ANKRD13D: variants seen among roughly 807,000 people sequenced by gnomAD.
ANKRD13D encodes the protein ankyrin repeat domain-containing protein 13D.
In ANKRD13D, 24 loss-of-function variants were observed where a neutral mutation model predicts 68.8. That is an observed-to-expected ratio of 0.35 (90% CI 0.25 to 0.49). The LOEUF is 0.49. Ranked by LOEUF, ANKRD13D falls within the 20% of genes least tolerant of loss-of-function variation. The pLI is 0.99. For missense variants in ANKRD13D, 735 were observed against 832.1 expected (o/e 0.88, Z 1.44); for synonymous variants, 331 against 336.1 (o/e 0.98, Z 0.16).
chr11:67,289,704 G>A (rs779419461), intron 1 of ANKRD13D, 154 bp downstream of exon 1: 1 of 1,330,436 alleles, frequency 7.5e-7, no homozygotes, highest in South Asian at 1.6e-5. Context: ...CCAGGTCACC[G>A]GCCCCTCGCG....
intron 6 of ANKRD13D, among the ~76,000 whole-genome samples, chr11:67,297,237 T>A (rs1224600295): frequency 6.6e-6 from 1 of 152,196 alleles, no homozygotes; most frequent in East Asian, 1.9e-4. Flanking sequence ...TGACATGGGG[T>A]CTCACTCCAT....
In ANKRD13D at chr11:67,301,361, G is replaced by C. The variant is rs1212305042; in HGVS notation, c.1311G>C (p.Val437=). 6.2e-7 allele frequency: 1 copy of C among 1,613,494 alleles called. No homozygotes were observed. Among genetic ancestry groups the C allele is most frequent in the South Asian group, 1.1e-5 (1 of 91,058 alleles). ...LCGCDEPLSS[V]WVPAPSSAVA... ...GCTGTGATGAGCCCCTGAGCTCCGT[G>C]TGGGTGCCGGCCCCCAGCTCTGCTG... is the stretch of plus-strand genomic sequence containing the variant. Residue 437 remains valine, a synonymous_variant, in exon 12 of 15, where the codon GTG becomes GTC. Coordinates refer to ENST00000511455, the MANE Select transcript of ANKRD13D (RefSeq NM_207354.3). This position sits in a 1 kb window ranked among gnomAD's most constrained non-coding sequence, Gnocchi z 4.5.
chr11:67,291,451 G>T, intron 3 of ANKRD13D, 25 bp from the exon 4 acceptor site: 1 of 1,612,742 alleles, frequency 6.2e-7, no homozygotes, highest in South Asian at 1.1e-5. Flanking sequence ...GCAGGGCGCT[G>T]ACAAGCAGCT....
chr11:67,292,001 C>T lies in ANKRD13D; in HGVS notation c.552C>T (p.Ala184=). Residue 184 remains alanine (A), a synonymous_variant, in exon 6 of 15, where the codon GCC becomes GCT. Transcript: ENST00000511455. ...SFIFKGQEAG[A]LVMEVDHDRQ... The stretch of plus-strand genomic sequence containing the variant: ...CCTACCGGCCGGCAGAGGCAGGAGC[C>T]CTGGTGATGGAAGTGGACCATGACC... 2 of 1,582,872 alleles carry T rather than the reference C, an allele frequency of 1.3e-6. No homozygotes were observed. Among genetic ancestry groups the T allele is most frequent in the Non-Finnish European group, 1.7e-6 (2 of 1,159,060 alleles).
At position 67,289,374 on chromosome 11, in the gene ANKRD13D, A is replaced by C. The variant is rs1860431914; in HGVS notation, c.-87A>C. The C allele has an allele frequency of 2.9e-5, 29 of 1,004,742 alleles. No homozygotes were observed. Among genetic ancestry groups the C allele is most frequent in the Non-Finnish European group, 3.6e-5 (29 of 799,284 alleles). 62.2% of individuals were successfully genotyped at this position (1,004,742 alleles called of 1,614,324 possible). Reference sequence around the variant, plus strand: ...CTGCTGCGGGGGCCGCGGGGGGCGCAGCTGGGGCGCGGCTCGGAGGGGAGG... The same window carrying C: ...CTGCTGCGGGGGCCGCGGGGGGCGCCGCTGGGGCGCGGCTCGGAGGGGAGG... On this transcript the variant is annotated 5_prime_UTR_variant, in exon 1 of 15. Transcript: ENST00000511455.
intron 1 of ANKRD13D, 143 bp from the exon 2 acceptor site, chr11:67,289,935 G>T: frequency 3.5e-6 from 5 of 1,443,488 alleles, no homozygotes; most frequent in Non-Finnish European, 4.5e-6. Flanking sequence ...CCCCTGCCAG[G>T]ACACGCAGGC....
Position 67,290,233 on chromosome 11 carries a change from G to A in ANKRD13D, c.226+20G>A. ...GGGCAGGTACTGCAGAGGACAAGGG[G>A]CTCCCCCTGAGGCTGGCAGGCGGGG... On this transcript the variant is annotated intron_variant, in intron 2 of 14. Coordinates refer to ENST00000511455, the MANE Select transcript of ANKRD13D (RefSeq NM_207354.3). 6.5e-7 allele frequency: 1 copy of A among 1,542,634 alleles called. No homozygotes were observed. Among genetic ancestry groups the A allele is most frequent in the South Asian group, 1.2e-5 (1 of 84,054 alleles).
chr11:67,295,404 A>G (rs1269693420), intron 6 of ANKRD13D, among the ~76,000 whole-genome samples: 7 of 151,294 alleles, frequency 4.6e-5, no homozygotes, highest in African/African-American at 1.7e-4. Context: ...GCGACAGACC[A>G]AGACTCCATC....
rs1437387261 is a variant in ANKRD13D at position 67,289,353 on chromosome 11, TGCGGGGGCC to T, written c.-100_-92del. On this transcript the variant is annotated 5_prime_UTR_variant, in exon 1 of 15. Transcript: ENST00000511455. ...CCGCCGCCGCCGCCGCCGCTACTGCTGCGGGGGCCGCGGGGGGCGCAGCTGGGGCGCGGC... is the reference window on the plus strand; with the variant it reads ...CCGCCGCCGCCGCCGCCGCTACTGCTGCGGGGGGCGCAGCTGGGGCGCGGC... 16 of 763,158 alleles carry T rather than the reference TGCGGGGGCC, an allele frequency of 2.1e-5. No individual in the cohort carries two copies. The highest frequency in any genetic ancestry group is 6.5e-5 in the East Asian group (1 of 15,330). 47.3% of individuals were successfully genotyped at this position (763,158 alleles called of 1,614,324 possible).
At position 67,302,468 on chromosome 11, in the gene ANKRD13D, AAG is replaced by A; in HGVS notation, c.*140_*141del. On this transcript the variant is annotated 3_prime_UTR_variant, in exon 15 of 15. Transcript: ENST00000511455. ...GGCAGGGGAGACTGAGATGGAAATA[AAG>A]AGACTGTCGCAGCAGGGCTGCTCTG... 7.6e-7 allele frequency: 1 copy of A among 1,310,598 alleles called. No homozygotes were observed. Among genetic ancestry groups the A allele is most frequent in the Non-Finnish European group, 1.0e-6 (1 of 989,100 alleles). 81.2% of individuals were successfully genotyped at this position (1,310,598 alleles called of 1,614,324 possible). A position where few individuals can be genotyped will look rare whatever the true frequency, so the allele number is the denominator to read the frequency against.
At position 67,299,929 on chromosome 11, in the gene ANKRD13D, G is replaced by A. The variant is rs1860912336; in HGVS notation, c.942+41G>A. The A allele has an allele frequency of 8.3e-6, 13 of 1,565,882 alleles. No homozygotes were observed. Among genetic ancestry groups the A allele is most frequent in the South Asian group, 2.4e-5 (2 of 83,704 alleles). On this transcript the variant is annotated intron_variant, in intron 9 of 14. Transcript: ENST00000511455. The surrounding 1 kb of genome is among the most constrained non-coding windows in gnomAD (Gnocchi z 6.2). Reference sequence around the variant, plus strand: ...GCCGAGACAGGGCTGGCGGGGGGCCGAGCCTGGGCGGGAGGGCACCCTCTG... The same window carrying A: ...GCCGAGACAGGGCTGGCGGGGGGCCAAGCCTGGGCGGGAGGGCACCCTCTG...
intron 1 of ANKRD13D, 162 bp downstream of exon 1, chr11:67,289,712 G>T: frequency 7.4e-7 from 1 of 1,343,254 alleles, no homozygotes; most frequent in Non-Finnish European, 9.7e-7. Flanking sequence ...CCGGCCCCTC[G>T]CGCCTGAGCC....
At chr11:67,289,591 C>T in intron 1 of ANKRD13D, 41 bp downstream of exon 1, 1 of 1,505,900 alleles carries the variant, frequency 6.6e-7, no homozygotes, top group Non-Finnish European at 8.8e-7. Context: ...CCCCGGGTCC[C>T]CCACCCAAGG....
Position 67,301,467 on chromosome 11 carries a change from G to A in ANKRD13D, c.1349-21G>A. 1.2e-6 allele frequency: 2 copies of A among 1,610,354 alleles called. No homozygotes were observed. Among genetic ancestry groups the A allele is most frequent in the Non-Finnish European group, 1.7e-6 (2 of 1,178,094 alleles). On this transcript the variant is annotated intron_variant, in intron 12 of 14. Transcript: ENST00000511455. The surrounding 1 kb of genome is among the most constrained non-coding windows in gnomAD (Gnocchi z 4.5). ...CACCAAGCCCCGCGGGTTGAGCGTG[G>A]CCCCTCTGCCACCTGCCTAGGGAAC...
chr11:67,299,330 G>C lies in ANKRD13D; in HGVS notation c.799-200G>C. On this transcript the variant is annotated intron_variant, in intron 7 of 14. Coordinates refer to ENST00000511455, the MANE Select transcript of ANKRD13D (RefSeq NM_207354.3). This position sits in a 1 kb window ranked among gnomAD's most constrained non-coding sequence, Gnocchi z 6.2. ...CCTACCCAGGGTACCGAGATCAAAA[G>C]AGGAGTGTGTTCCTCTTGACCCTGG... 1.4e-6 allele frequency: 1 copy of C among 720,684 alleles called. No homozygotes were observed. Among genetic ancestry groups the C allele is most frequent in the Non-Finnish European group, 2.3e-6 (1 of 434,266 alleles). The allele number at this position is 720,684 out of a possible 1,614,324, so 44.6% of individuals were successfully genotyped here.
intron 3 of ANKRD13D, chr11:67,290,689 T>C (rs1860498440): frequency 5.9e-6 from 3 of 504,748 alleles, no homozygotes; most frequent in Non-Finnish European, 1.0e-5. Context: ...TCCTGAAGAA[T>C]GCAGATTACC....
chr11:67,291,763 C>G lies in ANKRD13D; in HGVS notation c.541+17C>G, dbSNP rs1860563844. On this transcript the variant is annotated intron_variant, in intron 5 of 14. Coordinates refer to ENST00000511455, the MANE Select transcript of ANKRD13D (RefSeq NM_207354.3). The stretch of plus-strand genomic sequence containing the variant: ...AGGGCCAGGGTGAGCTCTGGACAAA[C>G]TCATTGCAGCTCCTCGGCCCTTGGG... 1.2e-6 allele frequency: 2 copies of G among 1,612,488 alleles called. No homozygotes were observed. The highest frequency in any genetic ancestry group is 1.7e-6 in the Non-Finnish European group (2 of 1,179,296).
intron 6 of ANKRD13D, among the ~76,000 whole-genome samples, chr11:67,297,194 C>T (rs1425791736): frequency 2.0e-5 from 3 of 152,206 alleles, no homozygotes; most frequent in East Asian, 3.9e-4. Flanking sequence ...ACACATATTA[C>T]ATTTATACTT....
Position 67,301,139 on chromosome 11 carries a change from T to C in ANKRD13D, c.1223T>C (p.Val408Ala). The C allele has an allele frequency of 6.2e-7, 1 of 1,613,606 alleles. No homozygotes were observed. Among genetic ancestry groups the C allele is most frequent in the Non-Finnish European group, 8.5e-7 (1 of 1,179,754 alleles). The change falls in exon 11 of 15, where the codon GTC (valine) becomes GCC (alanine). Residue 408 changes from valine (V) to alanine (A), a missense_variant. Physicochemically the swap from Val to Ala is moderately conservative, Grantham distance 64 (BLOSUM62 0). Transcript: ENST00000511455. This position sits in a 1 kb window ranked among gnomAD's most constrained non-coding sequence, Gnocchi z 4.5. ...ITLRLPPGFP[V>A]KIEIPLFHVL... The stretch of plus-strand genomic sequence containing the variant: ...CTGCGCCTTCCACCTGGCTTCCCCG[T>C]CAAAATTGGTGAGAGGCTGGGCACA...
Sources: gnomAD v4.1 joint callset for allele counts (sites outside exome capture counted in the v4.1 genomes callset) on GRCh38, gnomAD v4.1.1 for gene constraint, Gnocchi (gnomAD v3.1) non-coding constraint, MANE v1.5 for transcripts, NCBI Gene and HGNC (gene_info 2026-07-23, HGNC 2026-07-21) for gene names.